PTDSS1: variants seen among roughly 807,000 people sequenced by gnomAD.
The protein encoded by PTDSS1 is PSS-1.
PTDSS1 carries 45 observed loss-of-function variants against 70.5 expected under a neutral mutation model. The ratio of observed to expected loss-of-function variants is 0.64; its 90% CI spans 0.50 to 0.82. The LOEUF (loss-of-function observed/expected upper bound fraction) is 0.82, where lower values mean the gene tolerates loss of function less well. PTDSS1 is among the 40% of genes least tolerant of loss of function. The pLI, the probability that PTDSS1 is intolerant of heterozygous loss-of-function variation, is 0.00. For synonymous variants in PTDSS1, 188 were observed against 203.8 expected (o/e 0.92, Z 0.66); for missense variants, 417 against 586.1 (o/e 0.71, Z 2.98).
At chr8:96,294,578 TC>T (rs1364069339) in intron 4 of PTDSS1, among the ~76,000 whole-genome samples, 4 of 152,194 alleles carry the variant, frequency 2.6e-5, no homozygotes, top group Non-Finnish European at 5.9e-5. Context: ...GTGCTTTTCT[TC>T]TTTTTTCTAG....
Position 96,335,658 on chromosome 8 carries a change from C to T in PTDSS1, c.*2092C>T, listed in dbSNP as rs1461802172. The T allele has an allele frequency of 6.6e-6, 1 of 152,138 alleles. No individual in the cohort carries two copies. The highest frequency in any genetic ancestry group is 1.9e-4 in the East Asian group (1 of 5,192). The allele number at this position is 152,138 out of a possible 1,614,324, so 9.4% of individuals were successfully genotyped here. On this transcript the variant is annotated 3_prime_UTR_variant, in exon 13 of 13. Coordinates refer to ENST00000517309, the MANE Select transcript of PTDSS1 (RefSeq NM_014754.3). ...GAAAGTTCTCAGATACTTTCCATGC[C>T]CTTTCTTTGAGTTGAAACTTTCTAT...
chr8:96,274,076 C>T (rs1437563550), intron 2 of PTDSS1, among the ~76,000 whole-genome samples: 2 of 151,992 alleles, frequency 1.3e-5, no homozygotes, highest in Admixed American at 1.3e-4. Context: ...AGTACCTTTC[C>T]ACTAGAATAT....
intron 4 of PTDSS1, among the ~76,000 whole-genome samples, chr8:96,288,647 T>TG (rs56093730): frequency 6.8e-6 from 1 of 146,212 alleles, no homozygotes; most frequent in East Asian, 2.0e-4. Context: ...TTTTTTTTTT[T>TG]GAGATGGTGC....
chr8:96,330,632 C>T, intron 11 of PTDSS1: 2 of 376,794 alleles, frequency 5.3e-6, no homozygotes, highest in South Asian at 6.7e-5. Context: ...TTCCTGTGTT[C>T]CGGCCTGTGG....
chr8:96,262,033 G>A lies in PTDSS1; in HGVS notation c.-8G>A, dbSNP rs780464475. On this transcript the variant is annotated 5_prime_UTR_variant, in exon 1 of 13. Transcript: ENST00000517309. The surrounding 1 kb of genome is among the most constrained non-coding windows in gnomAD (Gnocchi z 4.4). The stretch of plus-strand genomic sequence containing the variant: ...CGCCGCCACCGCGGCAGGACGGGGA[G>A]GCGGGCCATGGCGTCCTGCGTGGGG... The A allele has an allele frequency of 3.1e-6, 5 of 1,610,202 alleles. No individual in the cohort carries two copies. The highest frequency in any genetic ancestry group is 4.2e-6 in the Non-Finnish European group (5 of 1,177,948).
intron 10 of PTDSS1, among the ~76,000 whole-genome samples, chr8:96,325,760 CACAATA>C (rs1473396890): frequency 1.3e-5 from 2 of 152,168 alleles, no homozygotes; most frequent in African/African-American, 4.8e-5. Context: ...CTTGAGAGGG[CACAATA>C]ACACAATCTT....
At position 96,262,289 on chromosome 8, in the gene PTDSS1, G is replaced by GGGGGGT; in HGVS notation, c.179+70_179+71insGGGGGT. On this transcript the variant is annotated intron_variant, in intron 1 of 12. Coordinates refer to ENST00000517309, the MANE Select transcript of PTDSS1 (RefSeq NM_014754.3). This position sits in a 1 kb window ranked among gnomAD's most constrained non-coding sequence, Gnocchi z 4.4. ...AAGAGGCGGGAGGGAGGGTGGCGGG[G>GGGGGGT]AGGGGGGCCCGGCATGGCTCTGGGT... is the stretch of plus-strand genomic sequence containing the variant. 1 of 1,070,682 alleles carries GGGGGGT rather than the reference G, an allele frequency of 9.3e-7. No homozygotes were observed. Among genetic ancestry groups the GGGGGGT allele is most frequent in the Non-Finnish European group, 1.4e-6 (1 of 734,666 alleles). 66.3% of individuals were successfully genotyped at this position (1,070,682 alleles called of 1,614,324 possible).
intron 11 of PTDSS1, chr8:96,330,795 T>A: frequency 1.9e-6 from 1 of 527,936 alleles, no homozygotes; most frequent in South Asian, 2.7e-5. Flanking sequence ...TATTTACACC[T>A]TCAGTCTAAA....
At chr8:96,325,774 C>A (rs564653725) in intron 10 of PTDSS1, among the ~76,000 whole-genome samples, 1 of 152,272 alleles carries the variant, frequency 6.6e-6, no homozygotes, top group East Asian at 1.9e-4. Context: ...ATAACACAAT[C>A]TTTTTCCCCA....
chr8:96,275,217 G>A (rs759562465), intron 2 of PTDSS1, among the ~76,000 whole-genome samples: 1 of 152,158 alleles, frequency 6.6e-6, no homozygotes, highest in East Asian at 1.9e-4. Flanking sequence ...ATTCACAAGT[G>A]TGGTTATAGG....
intron 6 of PTDSS1, among the ~76,000 whole-genome samples, chr8:96,303,022 TTGG>T (rs1466181204): frequency 6.6e-6 from 1 of 152,216 alleles, no homozygotes; most frequent in African/African-American, 2.4e-5. Context: ...AAAAATCCTA[TTGG>T]TGGTTTTTTT....
chr8:96,320,315 A>G lies in PTDSS1; in HGVS notation c.1143A>G (p.Ile381Met), dbSNP rs751543129. Reference protein sequence around the residue: ...FGQDLFSKTQILYVVLWLLCV... With the variant: ...FGQDLFSKTQMLYVVLWLLCV... ...AAGATCTCTTCTCTAAGACCCAAAT[A>G]CTCTATGTTGTGCTTTGGCTTCTTT... Residue 381 changes from isoleucine to methionine, a missense_variant, in exon 10 of 13, where the codon ATA becomes ATG. Physicochemically the swap from Ile to Met is conservative, Grantham distance 10. Coordinates refer to ENST00000517309, the MANE Select transcript of PTDSS1 (RefSeq NM_014754.3). 19 of 1,612,792 alleles carry G rather than the reference A, an allele frequency of 1.2e-5. No individual in the cohort carries two copies. The African/African-American group carries it at 2.1e-4, about 18-fold the overall frequency.
chr8:96,278,972 CTTTTT>C (rs36085094), intron 2 of PTDSS1, among the ~76,000 whole-genome samples: 6 of 122,628 alleles, frequency 4.9e-5, no homozygotes, highest in African/African-American at 6.5e-5. Context: ...TTCAGCCCCC[CTTTTT>C]TTTTTTTTTT....
rs147502662 is a variant in PTDSS1, at chr8:96,278,482, G to A, written c.271+5092G>A. ...CAGATGTGGAGGGAGAGGGCTGGCA[G>A]TGAGAGCAGGGGAAGGAGAGGGTCT... On this transcript the variant is annotated intron_variant, in intron 2 of 12. Coordinates refer to ENST00000517309, the MANE Select transcript of PTDSS1 (RefSeq NM_014754.3). 2.0e-5 allele frequency among the ~76,000 whole-genome samples: 3 copies of A among 152,288 alleles called. No homozygotes were observed. The East Asian group carries it at 5.8e-4, about 29-fold the overall frequency.
chr8:96,333,660 C>A lies in PTDSS1; in HGVS notation c.*94C>A. 8.4e-7 allele frequency: 1 copy of A among 1,193,888 alleles called. No homozygotes were observed. The highest frequency in any genetic ancestry group is 1.2e-6 in the Non-Finnish European group (1 of 803,694). The allele number at this position is 1,193,888 out of a possible 1,614,324, so 74.0% of individuals were successfully genotyped here. A position where few individuals can be genotyped will look rare whatever the true frequency, so the allele number is the denominator to read the frequency against. Reference sequence around the variant, plus strand: ...CTCCCCGTGAGGAGGTCGAGGCGCACAGGGCAAGCAGGAAGAGGCGAGGGC... The same window carrying A: ...CTCCCCGTGAGGAGGTCGAGGCGCAAAGGGCAAGCAGGAAGAGGCGAGGGC... On this transcript the variant is annotated 3_prime_UTR_variant, in exon 13 of 13. Transcript: ENST00000517309.
At chr8:96,328,693 A>G (rs1215401789) in intron 10 of PTDSS1, among the ~76,000 whole-genome samples, 1 of 152,162 alleles carries the variant, frequency 6.6e-6, no homozygotes, top group South Asian at 2.1e-4. Context: ...TTTTGGAACT[A>G]AGAAGGCACT....
At chr8:96,318,882 C>T (rs1021969069) in intron 9 of PTDSS1, among the ~76,000 whole-genome samples, 2 of 146,046 alleles carry the variant, frequency 1.4e-5, no homozygotes, top group Non-Finnish European at 3.0e-5. Flanking sequence ...GTACCAAGGG[C>T]CTTCTTGGCC....
At position 96,333,869 on chromosome 8, in the gene PTDSS1, C is replaced by G. The variant is rs561706332; in HGVS notation, c.*303C>G. The G allele has an allele frequency of 7.9e-6, 5 of 635,818 alleles. No homozygotes were observed. The East Asian group carries it at 1.4e-4, about 17-fold the overall frequency. The allele number at this position is 635,818 out of a possible 1,614,324, so 39.4% of individuals were successfully genotyped here. On this transcript the variant is annotated 3_prime_UTR_variant, in exon 13 of 13. Coordinates refer to ENST00000517309, the MANE Select transcript of PTDSS1 (RefSeq NM_014754.3). ...ACGGTAGCTATTCATTCACAGTTGCCAAGAGCAGCTCCGCGCCTGCTGGAT... is the reference window on the plus strand; with the variant it reads ...ACGGTAGCTATTCATTCACAGTTGCGAAGAGCAGCTCCGCGCCTGCTGGAT...
chr8:96,310,367 G>A (rs1339605773), intron 9 of PTDSS1, among the ~76,000 whole-genome samples: 1 of 151,512 alleles, frequency 6.6e-6, no homozygotes, highest in Non-Finnish European at 1.5e-5. Flanking sequence ...GTTTCACCGT[G>A]TTGGTCAGGC....
Sources: allele counts gnomAD v4.1 joint callset (sites outside exome capture counted in the v4.1 genomes callset), GRCh38; gene constraint gnomAD v4.1.1; non-coding constraint Gnocchi (gnomAD v3.1); transcripts MANE v1.5; gene names NCBI Gene and HGNC (gene_info 2026-07-23, HGNC 2026-07-21).